Variants in SH2D4A observed in about 807,000 individuals in gnomAD.
SH2D4A encodes the protein SH2 domain-containing protein 4A.
In SH2D4A, 70 loss-of-function variants were observed where a neutral mutation model predicts 64.7. The observed-to-expected ratio is 1.08, with a 90% CI of 0.89 to 1.32. The LOEUF is 1.32. Ranked by LOEUF, SH2D4A falls within the 40% of genes most tolerant of loss-of-function variation. The probability of loss-of-function intolerance (pLI) is 0.00; values close to 1 mark genes in which losing one functional copy is unlikely to be tolerated. For missense variants in SH2D4A, 706 were observed against 540.1 expected, an observed-to-expected ratio of 1.31 and a Z score of -3.04; for synonymous variants, 268 against 200.7, an observed-to-expected ratio of 1.34 and a Z score of -2.83.
In SH2D4A at chr8:19,361,229, A is replaced by G. The variant is rs759343737; in HGVS notation, c.621A>G (p.Gln207=). 2 of 1,564,624 alleles carry G rather than the reference A, an allele frequency of 1.3e-6. No individual in the cohort carries two copies. Among genetic ancestry groups the G allele is most frequent in the Middle Eastern group, 1.7e-4 (1 of 5,892 alleles). Residue 207 remains glutamine (Q), a synonymous_variant, in exon 6 of 10, where the codon CAA becomes CAG. Transcript: ENST00000265807. ...AGAAAGAATCTATGAAGAAAAAACA[A>G]GATGAAGAAATAAATCAAATAGAAG... is the stretch of plus-strand genomic sequence containing the variant. ...HQKKESMKKK[Q]DEEINQIEEE... is the part of the protein sequence containing the mutation.
chr8:19,362,001 G>A (rs1275482903), intron 6 of SH2D4A, among the ~76,000 whole-genome samples: 1 of 152,180 alleles, frequency 6.6e-6, no homozygotes, highest in Non-Finnish European at 1.5e-5. Context: ...CAGAGGAGAG[G>A]ATGCTCCAGA....
chr8:19,319,742 C>G lies in SH2D4A; in HGVS notation c.181+14C>G. Reference sequence around the variant, plus strand: ...GACCAAAGAAAGGTAAACTTATCCACGTTTCTTCTGTGGATGTGTTGGTAG... The same window carrying G: ...GACCAAAGAAAGGTAAACTTATCCAGGTTTCTTCTGTGGATGTGTTGGTAG... On this transcript the variant is annotated intron_variant, in intron 2 of 9. Coordinates refer to ENST00000265807, the MANE Select transcript of SH2D4A (RefSeq NM_022071.4). 2 of 1,552,432 alleles carry G rather than the reference C, an allele frequency of 1.3e-6. No homozygotes were observed. The highest frequency in any genetic ancestry group is 4.7e-5 in the East Asian group (2 of 42,852).
intron 1 of SH2D4A, among the ~76,000 whole-genome samples, 186 bp from the exon 2 acceptor site, chr8:19,319,158 T>C (rs565666468): frequency 1.3e-5 from 2 of 152,266 alleles, no homozygotes; most frequent in African/African-American, 4.8e-5. Context: ...AGAGTATCTT[T>C]AGAAATTACA....
chr8:19,321,290 T>C (rs2052186779), intron 2 of SH2D4A, among the ~76,000 whole-genome samples: 1 of 152,168 alleles, frequency 6.6e-6, no homozygotes. Context: ...CTTGGCTCAA[T>C]GCAACCTTCG....
At chr8:19,318,772 G>C (rs926864265) in intron 1 of SH2D4A, among the ~76,000 whole-genome samples, 26 of 152,194 alleles carry the variant, frequency 1.7e-4, no homozygotes, top group Non-Finnish European at 2.1e-4. Flanking sequence ...TTTGTGAAGA[G>C]GAAAGTACAT....
chr8:19,340,653 T>C (rs1351153707), intron 4 of SH2D4A, among the ~76,000 whole-genome samples: 1 of 146,710 alleles, frequency 6.8e-6, no homozygotes, highest in East Asian at 2.0e-4. Context: ...TCAACCAGGC[T>C]GGAATACAGT....
At chr8:19,384,941 A>T (rs1485017086) in intron 8 of SH2D4A, among the ~76,000 whole-genome samples, 1 of 152,210 alleles carries the variant, frequency 6.6e-6, no homozygotes, top group Non-Finnish European at 1.5e-5. Flanking sequence ...TTAGACAAAA[A>T]TTCACATATT....
At chr8:19,345,089 C>G (rs907177780) in intron 4 of SH2D4A, among the ~76,000 whole-genome samples, 1 of 152,176 alleles carries the variant, frequency 6.6e-6, no homozygotes, top group South Asian at 2.1e-4. Context: ...TTTTCTTAAT[C>G]TATAAAATGA....
intron 7 of SH2D4A, among the ~76,000 whole-genome samples, chr8:19,366,088 C>A (rs2052989307): frequency 6.6e-6 from 1 of 151,938 alleles, no homozygotes; most frequent in Non-Finnish European, 1.5e-5. Flanking sequence ...GCGTAAAGAA[C>A]CATAAGTTGG....
intron 8 of SH2D4A, among the ~76,000 whole-genome samples, chr8:19,389,200 C>G (rs549710679): frequency 1.3e-5 from 2 of 152,348 alleles, no homozygotes; most frequent in South Asian, 4.1e-4. Flanking sequence ...GGGGCAGTCC[C>G]TGCCACTTGG....
intron 2 of SH2D4A, among the ~76,000 whole-genome samples, chr8:19,324,174 C>A (rs1041634562): frequency 1.3e-5 from 2 of 152,172 alleles, no homozygotes; most frequent in Non-Finnish European, 2.9e-5. Context: ...TATTGGGTAA[C>A]GCAAACAGAA....
chr8:19,369,261 T>A (rs1368679147), intron 7 of SH2D4A, among the ~76,000 whole-genome samples: 1 of 152,162 alleles, frequency 6.6e-6, no homozygotes, highest in Non-Finnish European at 1.5e-5. Context: ...TTTGTATCTA[T>A]GTTCATCATC....
intron 7 of SH2D4A, among the ~76,000 whole-genome samples, chr8:19,365,568 T>C (rs140280659): frequency 9.5e-4 from 144 of 152,346 alleles, no homozygotes; most frequent in African/African-American, 3.3e-3. Context: ...AGCATGGAAA[T>C]GACTTGTAGA....
At chr8:19,334,900 G>A (rs1279744206) in intron 4 of SH2D4A, 43 bp downstream of exon 4, 7 of 1,546,770 alleles carry the variant, frequency 4.5e-6, no homozygotes, top group Non-Finnish European at 6.1e-6. Context: ...TTCATCATGG[G>A]GGAGAAAAAG....
chr8:19,389,978 C>T (rs966088758), intron 8 of SH2D4A, among the ~76,000 whole-genome samples: 15 of 152,190 alleles, frequency 9.9e-5, no homozygotes, highest in African/African-American at 2.9e-4. Context: ...CAGAGGGAAG[C>T]AGCACCAATG....
chr8:19,385,046 T>C (rs564917127), intron 8 of SH2D4A, among the ~76,000 whole-genome samples: 2 of 152,222 alleles, frequency 1.3e-5, no homozygotes, highest in Non-Finnish European at 2.9e-5. Flanking sequence ...ATGAAATCTT[T>C]CCATCTTGAT....
intron 4 of SH2D4A, among the ~76,000 whole-genome samples, chr8:19,356,548 T>C (rs181803491): frequency 6.6e-6 from 1 of 152,254 alleles, no homozygotes; most frequent in East Asian, 1.9e-4. Flanking sequence ...CCCATTGTGA[T>C]TTGCTGGCAT....
intron 6 of SH2D4A, 114 bp downstream of exon 6, chr8:19,361,428 AG>A (rs1409536188): frequency 5.6e-6 from 6 of 1,065,140 alleles, no homozygotes; most frequent in Non-Finnish European, 6.3e-6. Context: ...ATATGTTCAC[AG>A]TAAGTTACCA....
chr8:19,351,130 G>T (rs943094332), intron 4 of SH2D4A, among the ~76,000 whole-genome samples: 1 of 152,150 alleles, frequency 6.6e-6, no homozygotes, highest in African/African-American at 2.4e-5. Flanking sequence ...AAGCAAAAAG[G>T]TAAATCCCAG....
Sources: allele counts gnomAD v4.1 joint callset (sites outside exome capture counted in the v4.1 genomes callset), GRCh38; gene constraint gnomAD v4.1.1; transcripts MANE v1.5; gene names NCBI Gene and HGNC (gene_info 2026-07-23, HGNC 2026-07-21).